The following CHRDL1 variants were observed in gnomAD, a reference collection of about 807,000 sequenced individuals.
CHRDL1 encodes chordin like 1.
Under a neutral mutation model 40.9 loss-of-function variants are expected in CHRDL1, and 19 were observed. The observed-to-expected ratio is 0.46, with a 90% CI of 0.32 to 0.68. The LOEUF is 0.68. Among genes scored for constraint, CHRDL1 ranks in the 30% least tolerant of loss-of-function variants. CHRDL1 has a pLI of 0.03. For synonymous variants in CHRDL1, 136 were observed against 123.4 expected, an observed-to-expected ratio of 1.10 and a Z score of -0.68; for missense variants, 329 against 352.1, an observed-to-expected ratio of 0.93 and a Z score of 0.53.
At chrX:110,680,258 T>C (rs1391005078) in intron 10 of CHRDL1, among the ~76,000 whole-genome samples, 1 of 111,909 alleles carries the variant, frequency 8.9e-6, no homozygotes, top group Non-Finnish European at 1.9e-5. Flanking sequence ...GTGGGCCCAC[T>C]GCTGGGGAAA....
chrX:110,791,493 G>T (rs1018565984), intron 2 of CHRDL1, among the ~76,000 whole-genome samples: 1 of 111,343 alleles, frequency 9.0e-6, no homozygotes, highest in Non-Finnish European at 1.9e-5. Flanking sequence ...TACACGGATC[G>T]CTGACTTTCT....
chrX:110,732,795 G>A (rs1224763189), intron 4 of CHRDL1, among the ~76,000 whole-genome samples: 7 of 110,476 alleles, frequency 6.3e-5, no homozygotes, highest in African/African-American at 2.3e-4. Flanking sequence ...CAGGGGGAGG[G>A]CCCATGTATT....
At chrX:110,696,030 C>G (rs2070379551) in intron 7 of CHRDL1, among the ~76,000 whole-genome samples, 1 of 111,816 alleles carries the variant, frequency 8.9e-6, no homozygotes, top group African/African-American at 3.3e-5. Context: ...GCCATAATCA[C>G]TCACATTCCA....
At chrX:110,738,070 A>C (rs748893206) in intron 4 of CHRDL1, among the ~76,000 whole-genome samples, 1 of 112,260 alleles carries the variant, frequency 8.9e-6, no homozygotes. Context: ...GACTAGAAAA[A>C]ATAATAGATA....
chrX:110,729,550 A>G (rs753042324), intron 4 of CHRDL1, among the ~76,000 whole-genome samples: 1 of 111,968 alleles, frequency 8.9e-6, no homozygotes, highest in Admixed American at 9.5e-5. Context: ...AATGGTAGAT[A>G]ATGTTTTAAA....
chrX:110,769,247 A>G (rs1328150237), intron 2 of CHRDL1, among the ~76,000 whole-genome samples: 8 of 112,002 alleles, frequency 7.1e-5, no homozygotes, highest in Non-Finnish European at 3.8e-5. Flanking sequence ...ATCCTCTTCT[A>G]TCTCCCACTT....
chrX:110,706,459 C>T lies in CHRDL1; in HGVS notation c.542-5738G>A, dbSNP rs990381931. Among the ~76,000 whole-genome samples, 5 of 111,758 alleles carry T rather than the reference C, an allele frequency of 4.5e-5. No homozygotes were observed. The Admixed American group carries it at 4.8e-4, about 11-fold the overall frequency. On this transcript the variant is annotated intron_variant, in intron 6 of 11. Transcript: ENST00000372042. ...AGTCATACTCTCTCTGAGTGGTACCCTATGAAGCTGTAATGGGTTGGCTTT... is the reference window on the plus strand; with the variant it reads ...AGTCATACTCTCTCTGAGTGGTACCTTATGAAGCTGTAATGGGTTGGCTTT...
chrX:110,732,838 G>A (rs1042497447), intron 4 of CHRDL1, among the ~76,000 whole-genome samples: 3 of 111,961 alleles, frequency 2.7e-5, no homozygotes, highest in African/African-American at 9.8e-5. Flanking sequence ...TTTGCTGTGT[G>A]ATGGAACTGC....
chrX:110,697,813 TCCACACAC>T (rs2070420907), intron 7 of CHRDL1, among the ~76,000 whole-genome samples: 5 of 31,157 alleles, frequency 1.6e-4, no homozygotes, highest in East Asian at 1.1e-3. Context: ...ACCACACCAC[TCCACACAC>T]ACACACACAC....
chrX:110,674,506 A>T lies in CHRDL1; in HGVS notation c.*1725T>A, dbSNP rs12012172. On this transcript the variant is annotated 3_prime_UTR_variant, in exon 12 of 12. Coordinates refer to ENST00000372042, the MANE Select transcript of CHRDL1 (RefSeq NM_001143981.2). Reference sequence around the variant, plus strand: ...ACACACACACACACACACACACACAAACTAATGCTTTGTGACCTCTCAACC... The same window carrying T: ...ACACACACACACACACACACACACATACTAATGCTTTGTGACCTCTCAACC... 1.1e-5 allele frequency: 1 copy of T among 90,512 alleles called. No individual in the cohort carries two copies. The highest frequency in any genetic ancestry group is 2.2e-5 in the Non-Finnish European group (1 of 45,299). 7.5% of individuals were successfully genotyped at this position (90,512 alleles called of 1,213,427 possible).
At position 110,719,738 on chromosome X, in the gene CHRDL1, A is replaced by T. The variant is rs888601445; in HGVS notation, c.541+97T>A. The T allele has an allele frequency of 9.6e-5, 40 of 417,282 alleles. No homozygotes were observed. In the African/African-American group the frequency reaches 9.9e-4, roughly 10 times the overall value. 34.4% of individuals were successfully genotyped at this position (417,282 alleles called of 1,213,427 possible). On this transcript the variant is annotated intron_variant, in intron 6 of 11. Transcript: ENST00000372042. ...AAAAACTAAGGCTACCATAAAAATTACCTTTCCCTAGGACATTAGACAGGT... is the reference window on the plus strand; with the variant it reads ...AAAAACTAAGGCTACCATAAAAATTTCCTTTCCCTAGGACATTAGACAGGT...
chrX:110,788,372 A>C (rs2090048216), intron 2 of CHRDL1, among the ~76,000 whole-genome samples: 1 of 111,756 alleles, frequency 8.9e-6, no homozygotes, highest in Non-Finnish European at 1.9e-5. Flanking sequence ...GAATCAATTG[A>C]GTGAGCATCT....
intron 8 of CHRDL1, 85 bp downstream of exon 8, chrX:110,694,078 G>A: frequency 1.3e-6 from 1 of 745,470 alleles, no homozygotes; most frequent in African/African-American, 2.1e-5. Flanking sequence ...CTGGGAGAAA[G>A]GGTCCTTTCC....
chrX:110,777,410 T>C (rs1354374230), intron 2 of CHRDL1, among the ~76,000 whole-genome samples: 3 of 111,712 alleles, frequency 2.7e-5, no homozygotes, highest in Non-Finnish European at 5.7e-5. Flanking sequence ...TTTAGTTTTG[T>C]AAGAAACTTC....
chrX:110,741,554 C>T (rs1363135538), intron 4 of CHRDL1, among the ~76,000 whole-genome samples: 1 of 111,287 alleles, frequency 9.0e-6, no homozygotes, highest in African/African-American at 3.3e-5. Context: ...ATGAGGGTCT[C>T]AGCCTGCTGG....
At chrX:110,729,169 TC>T (rs1246177021) in intron 4 of CHRDL1, among the ~76,000 whole-genome samples, 2 of 111,022 alleles carry the variant, frequency 1.8e-5, no homozygotes, top group Non-Finnish European at 3.8e-5. Flanking sequence ...GTCTGCAGCC[TC>T]CCCCCACCTC....
intron 2 of CHRDL1, among the ~76,000 whole-genome samples, chrX:110,784,840 T>C (rs1327794672): frequency 8.9e-6 from 1 of 111,958 alleles, no homozygotes. Context: ...TTCAATTTAT[T>C]GTGCCCTTCT....
chrX:110,766,848 G>A (rs1312945313), intron 2 of CHRDL1, among the ~76,000 whole-genome samples: 1 of 111,608 alleles, frequency 9.0e-6, no homozygotes, highest in Non-Finnish European at 1.9e-5. Context: ...TATGAAGCCA[G>A]CATCACCCTA....
intron 4 of CHRDL1, among the ~76,000 whole-genome samples, chrX:110,739,990 T>C (rs1007059101): frequency 4.4e-5 from 5 of 112,631 alleles, no homozygotes; most frequent in Admixed American, 3.7e-4. Flanking sequence ...AACCCTTGGA[T>C]CCAACGGCAT....
Sources: gnomAD v4.1 joint callset for allele counts (sites outside exome capture counted in the v4.1 genomes callset) on GRCh38, gnomAD v4.1.1 for gene constraint, MANE v1.5 for transcripts, NCBI Gene and HGNC (gene_info 2026-07-23, HGNC 2026-07-21) for gene names.